Variants in ADGRB1 observed in about 807,000 individuals in gnomAD.
The protein encoded by ADGRB1 is adhesion G protein-coupled receptor B1.
A neutral mutation model predicts 175.7 loss-of-function variants in ADGRB1; 36 were observed. The ratio of observed to expected loss-of-function variants is 0.20; its 90% CI spans 0.16 to 0.27. ADGRB1 has a LOEUF of 0.27. Among genes scored for constraint, ADGRB1 ranks in the 10% least tolerant of loss-of-function variants. The probability of loss-of-function intolerance (pLI) is 1.00; values close to 1 mark genes in which losing one functional copy is unlikely to be tolerated. For missense variants in ADGRB1, 1,731 were observed against 2,255.3 expected (o/e 0.77, Z 4.71); for synonymous variants, 1,054 against 979.4 (o/e 1.08, Z -1.42).
rs766301925 is a variant in ADGRB1 at position 142,526,524 on chromosome 8, C to A, written c.3313-18C>A. 6 of 1,555,854 alleles carry A rather than the reference C, an allele frequency of 3.9e-6. No individual in the cohort carries two copies. The highest frequency in any genetic ancestry group is 1.2e-5 in the South Asian group (1 of 85,164). ...GGCGGCCCCCACCCCCACACCCCCA[C>A]CACTCTCTGCCCGGCAGGTGAACAT... On this transcript the variant is annotated intron_variant, in intron 23 of 30. Coordinates refer to ENST00000517894, the MANE Select transcript of ADGRB1 (RefSeq NM_001702.3).
intron 17 of ADGRB1, among the ~76,000 whole-genome samples, chr8:142,497,942 TC>T (rs1309216596): frequency 6.6e-6 from 1 of 152,158 alleles, no homozygotes; most frequent in African/African-American, 2.4e-5. Flanking sequence ...GCTAGCCTCC[TC>T]CCAGTCCAGG....
chr8:142,451,712 G>A (rs1247017206), intron 1 of ADGRB1, among the ~76,000 whole-genome samples: 2 of 152,178 alleles, frequency 1.3e-5, no homozygotes, highest in African/African-American at 2.4e-5. Flanking sequence ...GAGGCCGCGC[G>A]GGCGGAGGCG....
chr8:142,529,786 A>C (rs888362937), intron 24 of ADGRB1, among the ~76,000 whole-genome samples: 2 of 146,328 alleles, frequency 1.4e-5, no homozygotes, highest in African/African-American at 2.6e-5. Context: ...GTGAGGATGC[A>C]TCTGTGTACC....
Position 142,526,574 on chromosome 8 carries a change from C to G in ADGRB1, c.3345C>G (p.Asn1115Lys), listed in dbSNP as rs1285359373. ...TGGTCATTGGGATCCTGGTGTTCAA[C>G]AAGCTCGTGTCCAAAGACGGCATCA... ...VNMVIGILVF[N>K]KLVSKDGITD... The change falls in exon 24 of 31, where the codon AAC becomes AAG. Residue 1115 changes from asparagine to lysine, a missense_variant. Asn to Lys is a moderately conservative substitution (Grantham distance 94, BLOSUM62 0). Transcript: ENST00000517894. 7.0e-7 allele frequency: 1 copy of G among 1,420,638 alleles called. No individual in the cohort carries two copies. The highest frequency in any genetic ancestry group is 9.5e-7 in the Non-Finnish European group (1 of 1,057,802). The allele number at this position is 1,420,638 out of a possible 1,614,324, so 88.0% of individuals were successfully genotyped here. A position where few individuals can be genotyped will look rare whatever the true frequency, so the allele number is the denominator to read the frequency against.
intron 2 of ADGRB1, 97 bp downstream of exon 2, chr8:142,465,079 C>A: frequency 1.1e-6 from 1 of 934,728 alleles, no homozygotes; most frequent in Non-Finnish European, 1.4e-6. Context: ...AGTGGGCGGA[C>A]AGAGGAGGTG....
intron 17 of ADGRB1, among the ~76,000 whole-genome samples, chr8:142,498,576 T>C (rs1563714463): frequency 6.6e-6 from 1 of 152,092 alleles, no homozygotes; most frequent in East Asian, 1.9e-4. Flanking sequence ...CGCCCAGGCC[T>C]CAGTTTCCTT....
At chr8:142,526,769 C>T in intron 24 of ADGRB1, 142 bp downstream of exon 24, 1 of 827,208 alleles carries the variant, frequency 1.2e-6, no homozygotes. Flanking sequence ...AACGGAGGCA[C>T]TGAGTACAGA....
At chr8:142,541,422 C>T (rs1423622671) in intron 27 of ADGRB1, among the ~76,000 whole-genome samples, 10 of 152,136 alleles carry the variant, frequency 6.6e-5, no homozygotes, top group Non-Finnish European at 1.3e-4. Context: ...TTGCAGGCCC[C>T]AGGGGCAGCG....
intron 2 of ADGRB1, among the ~76,000 whole-genome samples, chr8:142,468,418 G>A (rs955312744): frequency 2.0e-5 from 3 of 152,188 alleles, no homozygotes; most frequent in African/African-American, 7.2e-5. Flanking sequence ...ATGAAGCAGG[G>A]AGCTTGTCAT....
intron 18 of ADGRB1, among the ~76,000 whole-genome samples, chr8:142,516,946 C>A (rs573332792): frequency 8.5e-5 from 13 of 152,326 alleles, no homozygotes; most frequent in African/African-American, 2.9e-4. Flanking sequence ...CCCTGTCTGT[C>A]TTCAGGCCTG....
chr8:142,490,747 C>G (rs1184240935), intron 16 of ADGRB1, 25 bp from the exon 17 acceptor site: 1 of 1,565,880 alleles, frequency 6.4e-7, no homozygotes. Flanking sequence ...GCCAGGGGCC[C>G]TGACTCCTCT....
At chr8:142,483,888 G>C in intron 11 of ADGRB1, 89 bp from the exon 12 acceptor site, 1 of 1,417,910 alleles carries the variant, frequency 7.1e-7, no homozygotes, top group Non-Finnish European at 9.9e-7. Context: ...CCTGACCCTG[G>C]TCACACACTG....
Position 142,464,146 on chromosome 8 carries a change from G to A in ADGRB1, c.-53G>A. ...GCCGGACCCTGGCATGTCAAGACCT[G>A]GTCCGCGCCTGCCTGCCCAGCCCGC... On this transcript the variant is annotated 5_prime_UTR_variant, in exon 2 of 31. Coordinates refer to ENST00000517894, the MANE Select transcript of ADGRB1 (RefSeq NM_001702.3). The A allele has an allele frequency of 8.1e-7, 1 of 1,231,656 alleles. No individual in the cohort carries two copies. The highest frequency in any genetic ancestry group is 1.0e-6 in the Non-Finnish European group (1 of 989,868). The allele number at this position is 1,231,656 out of a possible 1,614,324, so 76.3% of individuals were successfully genotyped here. A position where few individuals can be genotyped will look rare whatever the true frequency, so the allele number is the denominator to read the frequency against.
rs1334680029 is a variant in ADGRB1 at position 142,474,818 on chromosome 8, A to G, written c.785-656A>G. 6.6e-6 allele frequency among the ~76,000 whole-genome samples: 1 copy of G among 152,032 alleles called. No homozygotes were observed. The highest frequency in any genetic ancestry group is 1.5e-5 in the Non-Finnish European group (1 of 67,962). On this transcript the variant is annotated intron_variant, in intron 2 of 30. Coordinates refer to ENST00000517894, the MANE Select transcript of ADGRB1 (RefSeq NM_001702.3). This position sits in a 1 kb window ranked among gnomAD's most constrained non-coding sequence, Gnocchi z 5.8. ...GCGTGGCGGGGAGGCGCCTGCAGGC[A>G]TTTATCCCAGGCTCCCTCCTCGGGT...
At chr8:142,532,473 G>A (rs1844679346) in intron 24 of ADGRB1, among the ~76,000 whole-genome samples, 1 of 152,192 alleles carries the variant, frequency 6.6e-6, no homozygotes, top group Non-Finnish European at 1.5e-5. Context: ...GGGAGGGGGT[G>A]GCACTGAGCG....
Position 142,539,419 on chromosome 8 carries a change from C to T in ADGRB1, c.3706+6C>T, listed in dbSNP as rs373140645. On this transcript the variant is annotated splice_donor_region_variant and intron_variant, in intron 27 of 30. Coordinates refer to ENST00000517894, the MANE Select transcript of ADGRB1 (RefSeq NM_001702.3). ...GGATCTGGCCTGTAGATCAGGTGAG[C>T]GCCCGACAGGTGAGAGGACAGTGCC... The T allele has an allele frequency of 9.1e-5, 145 of 1,599,984 alleles. No individual in the cohort carries two copies. The highest frequency in any genetic ancestry group is 1.1e-4 in the Non-Finnish European group (130 of 1,174,122).
chr8:142,464,962 G>C lies in ADGRB1; in HGVS notation c.764G>C (p.Arg255Pro), dbSNP rs774450860. ...TGCCTCACCAGCCTGACCCAGGACC[G>C]GGGCGGGCACGGCGCCACAGGTGAG... ...ENCLTSLTQD[R>P]GGHGATGGWK... The change falls in exon 2 of 31, where the codon CGG becomes CCG. Residue 255 changes from arginine (R) to proline (P), a missense_variant. Arg to Pro is a moderately radical substitution (Grantham distance 103). Around this residue, in one of 8 missense-constraint regions of ADGRB1, gnomAD observed 383 missense variants for 383.1 expected, o/e 1.00. Transcript: ENST00000517894. The C allele has an allele frequency of 1.3e-6, 2 of 1,521,418 alleles. No homozygotes were observed. Among genetic ancestry groups the C allele is most frequent in the Non-Finnish European group, 1.8e-6 (2 of 1,139,894 alleles). 94.2% of individuals were successfully genotyped at this position (1,521,418 alleles called of 1,614,324 possible).
intron 24 of ADGRB1, among the ~76,000 whole-genome samples, chr8:142,528,554 C>T (rs988088424): frequency 2.0e-5 from 3 of 152,046 alleles, no homozygotes; most frequent in Non-Finnish European, 4.4e-5. Context: ...GTCAGCCGTC[C>T]CCGCACCCCC....
chr8:142,461,183 C>T (rs552976411), intron 1 of ADGRB1, among the ~76,000 whole-genome samples: 4 of 152,316 alleles, frequency 2.6e-5, no homozygotes, highest in African/African-American at 4.8e-5. Context: ...GGCGGTGACC[C>T]GCAGGCCTGA....
Sources: allele counts gnomAD v4.1 joint callset (sites outside exome capture counted in the v4.1 genomes callset), GRCh38; gene constraint gnomAD v4.1.1; regional missense constraint gnomAD v4.1.1; non-coding constraint Gnocchi (gnomAD v3.1); transcripts MANE v1.5; gene names NCBI Gene and HGNC (gene_info 2026-07-23, HGNC 2026-07-21).